RBFOX1: variants seen among roughly 807,000 people sequenced by gnomAD.
RBFOX1 encodes RNA binding fox-1 homolog 1.
In RBFOX1, 8 loss-of-function variants were observed where a neutral mutation model predicts 57.7. The ratio of observed to expected loss-of-function variants is 0.14; its 90% CI spans 0.08 to 0.25. The LOEUF (loss-of-function observed/expected upper bound fraction) is 0.25, where lower values mean the gene tolerates loss of function less well. RBFOX1 is among the 10% of genes least tolerant of loss of function. RBFOX1 has a pLI of 1.00. For missense variants in RBFOX1, 611 were observed against 548.5 expected (o/e 1.11, Z -1.14); for synonymous variants, 326 against 222.4 (o/e 1.47, Z -4.15).
intron 4 of RBFOX1, among the ~76,000 whole-genome samples, chr16:7,192,046 C>G (rs185857935): frequency 5.9e-5 from 9 of 152,168 alleles, no homozygotes; most frequent in Admixed American, 5.2e-4. Context: ...AGTTTTTAAT[C>G]TATTGATGCC....
intron 11 of RBFOX1, 55 bp from the exon 12 acceptor site, chr16:7,653,760 A>C: frequency 6.3e-7 from 1 of 1,598,634 alleles, no homozygotes; most frequent in Non-Finnish European, 8.5e-7. Context: ...CCTCCACAGC[A>C]GGGTGTGCAT....
intron 14 of RBFOX1, among the ~76,000 whole-genome samples, chr16:7,707,058 G>A (rs2082690065): frequency 6.6e-6 from 1 of 152,194 alleles, no homozygotes; most frequent in African/African-American, 2.4e-5. Context: ...ATGACTGTCA[G>A]TTTCACTGAC....
chr16:7,556,036 C>G (rs150303631), intron 5 of RBFOX1, among the ~76,000 whole-genome samples: 170 of 152,244 alleles, frequency 1.1e-3, no homozygotes, highest in African/African-American at 3.9e-3. Flanking sequence ...TTAGTTGAAC[C>G]TAAATATTAA....
chr16:6,878,417 C>T (rs1027828956), intron 3 of RBFOX1, among the ~76,000 whole-genome samples: 2 of 152,186 alleles, frequency 1.3e-5, no homozygotes, highest in Non-Finnish European at 2.9e-5. Flanking sequence ...GATTTTCCTT[C>T]ATCCAAGATT....
intron 3 of RBFOX1, among the ~76,000 whole-genome samples, chr16:5,771,557 C>T (rs144903910): frequency 0.019 from 2,873 of 152,244 alleles, 41 homozygotes; most frequent in Middle Eastern, 0.031. Flanking sequence ...TACAGGCATA[C>T]GCCACCATGC....
chr16:6,191,427 A>C (rs529001576), intron 1 of RBFOX1, among the ~76,000 whole-genome samples: 8 of 152,244 alleles, frequency 5.3e-5, no homozygotes, highest in African/African-American at 1.7e-4. Flanking sequence ...TTGAGAATTT[A>C]GGGGGTGGTC....
chr16:6,815,566 ATC>A (rs1465718275), intron 3 of RBFOX1, among the ~76,000 whole-genome samples: 1 of 152,184 alleles, frequency 6.6e-6, no homozygotes, highest in Admixed American at 6.5e-5. Context: ...TCCATACAGT[ATC>A]TCATTTAATC....
chr16:7,705,048 G>GAAAA (rs36086189), intron 14 of RBFOX1, among the ~76,000 whole-genome samples: 1 of 129,836 alleles, frequency 7.7e-6, no homozygotes, highest in Non-Finnish European at 1.6e-5. Flanking sequence ...TGTCTCAAAA[G>GAAAA]AAAAAAAAAA....
intron 3 of RBFOX1, among the ~76,000 whole-genome samples, chr16:7,044,676 G>C (rs1189000681): frequency 6.6e-6 from 1 of 151,386 alleles, no homozygotes; most frequent in African/African-American, 2.4e-5. Flanking sequence ...AAAATATATT[G>C]GTTTTGTGCA....
intron 3 of RBFOX1, among the ~76,000 whole-genome samples, chr16:6,982,095 T>A (rs1236539169): frequency 6.6e-6 from 1 of 152,196 alleles, no homozygotes; most frequent in East Asian, 1.9e-4. Context: ...ATAACAAGAA[T>A]GTGGCCCCCG....
chr16:5,393,093 G>A (rs2066458230), intron 1 of RBFOX1, among the ~76,000 whole-genome samples: 1 of 152,122 alleles, frequency 6.6e-6, no homozygotes. Context: ...TGGGGCTGTG[G>A]CTCAGGGCCT....
chr16:5,591,514 G>C (rs560534320), intron 2 of RBFOX1, among the ~76,000 whole-genome samples: 1 of 152,264 alleles, frequency 6.6e-6, no homozygotes, highest in South Asian at 2.1e-4. Flanking sequence ...GCCTCCCAAA[G>C]TGCTGGGATT....
At chr16:5,906,607 A>T (rs556239161) in intron 4 of RBFOX1, among the ~76,000 whole-genome samples, 2 of 151,566 alleles carry the variant, frequency 1.3e-5, no homozygotes, top group Admixed American at 1.3e-4. Flanking sequence ...GCTCTTTTTC[A>T]TGGGAGTGCT....
In RBFOX1 at chr16:6,944,925, A is replaced by C. The variant is rs139410382; in HGVS notation, c.-15-107132A>C. On this transcript the variant is annotated intron_variant, in intron 3 of 15. Coordinates refer to ENST00000550418, the MANE Select transcript of RBFOX1 (RefSeq NM_018723.4). ...GCAGCTCTTAGCTATTCTGTCTGTA[A>C]GGATGAAGACAGTCTGAAAAGTGGC... 2.8e-4 allele frequency among the ~76,000 whole-genome samples: 43 copies of C among 152,266 alleles called. No individual in the cohort carries two copies. In the East Asian group the frequency reaches 7.7e-3, roughly 27 times the overall value.
intron 1 of RBFOX1, among the ~76,000 whole-genome samples, chr16:5,390,059 T>C (rs2066362324): frequency 6.6e-6 from 1 of 152,198 alleles, no homozygotes; most frequent in African/African-American, 2.4e-5. Context: ...TTAAAAACTT[T>C]TATTGAAGTA....
At chr16:6,767,929 T>TAAGAAGAAG (rs1388686342) in intron 3 of RBFOX1, among the ~76,000 whole-genome samples, 103 of 88,442 alleles carry the variant, frequency 1.2e-3, no homozygotes, top group African/African-American at 5.7e-3. Context: ...ATAATAATAA[T>TAAGAAGAAG]AATAATAATA....
intron 1 of RBFOX1, among the ~76,000 whole-genome samples, chr16:6,177,141 C>G (rs1265181816): frequency 2.7e-5 from 4 of 149,744 alleles, no homozygotes; most frequent in African/African-American, 7.3e-5. Flanking sequence ...TGTGGATTTC[C>G]TTTGCTAATT....
intron 1 of RBFOX1, among the ~76,000 whole-genome samples, chr16:5,406,527 C>T (rs924693983): frequency 2.0e-5 from 3 of 152,034 alleles, no homozygotes; most frequent in African/African-American, 4.8e-5. Context: ...CTTTAAGTGT[C>T]ATACCTTATA....
At chr16:7,549,364 A>T (rs1345653075) in intron 5 of RBFOX1, among the ~76,000 whole-genome samples, 1 of 152,222 alleles carries the variant, frequency 6.6e-6, no homozygotes, top group Non-Finnish European at 1.5e-5. Flanking sequence ...GTTTAGGTGT[A>T]ATTCTAGGTG....
Sources: allele counts gnomAD v4.1 joint callset (sites outside exome capture counted in the v4.1 genomes callset), GRCh38; gene constraint gnomAD v4.1.1; transcripts MANE v1.5; gene names NCBI Gene and HGNC (gene_info 2026-07-23, HGNC 2026-07-21).